Variants in CARS1 observed in about 807,000 individuals in gnomAD.
The protein encoded by CARS1 is cysteine--tRNA ligase, cytoplasmic.
Under a neutral mutation model 106.2 loss-of-function variants are expected in CARS1, and 48 were observed. The observed-to-expected ratio is 0.45, with a 90% CI of 0.36 to 0.57. The LOEUF (loss-of-function observed/expected upper bound fraction) is 0.57. CARS1 is among the 20% of genes least tolerant of loss of function. The pLI, the probability that CARS1 is intolerant of heterozygous loss-of-function variation, is 0.00. For missense variants in CARS1, 968 were observed against 1,057.2 expected (o/e 0.92, Z 1.17); for synonymous variants, 409 against 403.4 (o/e 1.01, Z -0.17).
chr11:3,055,021 C>T, intron 1 of CARS1: 1 of 700,964 alleles, frequency 1.4e-6, no homozygotes, highest in Non-Finnish European at 2.6e-6. Flanking sequence ...TATGCACCTT[C>T]AAGACCGCAA....
At chr11:3,055,284 C>G (rs539852057) in intron 1 of CARS1, among the ~76,000 whole-genome samples, 1 of 152,284 alleles carries the variant, frequency 6.6e-6, no homozygotes, top group African/African-American at 2.4e-5. Flanking sequence ...CCTCAGCCTC[C>G]GAGTAGTCAG....
In CARS1 at chr11:3,037,975, G is replaced by T; in HGVS notation, c.801+75C>A. On this transcript the variant is annotated intron_variant, in intron 7 of 22. Coordinates refer to ENST00000380525, the MANE Select transcript of CARS1 (RefSeq NM_001014437.3). The surrounding 1 kb of genome is among the most constrained non-coding windows in gnomAD (Gnocchi z 5.9). ...CTAAGACAATCTGTGGAATCAATCCGTGCACACAGATCAGTCTATGCACGG... is the reference window on the plus strand; with the variant it reads ...CTAAGACAATCTGTGGAATCAATCCTTGCACACAGATCAGTCTATGCACGG... The T allele has an allele frequency of 2.1e-6, 3 of 1,400,718 alleles. No homozygotes were observed. Among genetic ancestry groups the T allele is most frequent in the Non-Finnish European group, 2.0e-6 (2 of 1,013,882 alleles). 86.8% of individuals were successfully genotyped at this position (1,400,718 alleles called of 1,614,324 possible).
intron 18 of CARS1, chr11:3,009,495 C>T (rs1850237443): frequency 6.6e-6 from 1 of 152,294 alleles, no homozygotes; most frequent in African/African-American, 2.4e-5. Context: ...GGGAAGAGTT[C>T]TGGAGATGGA....
intron 17 of CARS1, among the ~76,000 whole-genome samples, chr11:3,013,958 G>A (rs543773959): frequency 6.6e-6 from 1 of 152,302 alleles, no homozygotes; most frequent in East Asian, 1.9e-4. Context: ...CTCAAAAACA[G>A]AAACACACAA....
chr11:3,029,636 A>T lies in CARS1; in HGVS notation c.802-193T>A. On this transcript the variant is annotated intron_variant, in intron 7 of 22. Coordinates refer to ENST00000380525, the MANE Select transcript of CARS1 (RefSeq NM_001014437.3). The surrounding 1 kb of genome is among the most constrained non-coding windows in gnomAD (Gnocchi z 5.9). ...GCAGGGACAAATACAAGACTCTACA[A>T]ATGGGCAGGTCTCACATGAACTCAG... The T allele has an allele frequency of 1.7e-6, 1 of 587,670 alleles. No individual in the cohort carries two copies. Among genetic ancestry groups the T allele is most frequent in the Non-Finnish European group, 3.0e-6 (1 of 337,322 alleles). The allele number at this position is 587,670 out of a possible 1,614,324, so 36.4% of individuals were successfully genotyped here. A position where few individuals can be genotyped will look rare whatever the true frequency, so the allele number is the denominator to read the frequency against.
At position 3,006,969 on chromosome 11, in the gene CARS1, A is replaced by C. The variant is rs1479097954; in HGVS notation, c.2069-10T>G. ...TGCAGAATCTCAGGGACTGTAGGAGAAGCAGAGCAGTTCCCTCAGACATGG... is the reference window on the plus strand; with the variant it reads ...TGCAGAATCTCAGGGACTGTAGGAGCAGCAGAGCAGTTCCCTCAGACATGG... On this transcript the variant is annotated splice_polypyrimidine_tract_variant and intron_variant, in intron 18 of 22. Coordinates refer to ENST00000380525, the MANE Select transcript of CARS1 (RefSeq NM_001014437.3). 7 of 1,611,674 alleles carry C rather than the reference A, an allele frequency of 4.3e-6. No homozygotes were observed. Among genetic ancestry groups the C allele is most frequent in the African/African-American group, 1.3e-5 (1 of 74,906 alleles).
chr11:3,047,562 G>T (rs1376811559), intron 2 of CARS1, among the ~76,000 whole-genome samples, 191 bp downstream of exon 2: 1 of 152,172 alleles, frequency 6.6e-6, no homozygotes, highest in Non-Finnish European at 1.5e-5. Flanking sequence ...AACTCCATAG[G>T]GCGTGATTTT....
At chr11:3,049,095 T>TTTTATTTA (rs143824188) in intron 1 of CARS1, among the ~76,000 whole-genome samples, 4 of 150,422 alleles carry the variant, frequency 2.7e-5, no homozygotes, top group African/African-American at 7.3e-5. Context: ...CCTTTTTTAT[T>TTTTATTTA]TTTATTTATT....
At chr11:3,002,243 G>A (rs1180439815) in intron 21 of CARS1, 190 bp from the exon 22 acceptor site, 8 of 655,438 alleles carry the variant, frequency 1.2e-5, no homozygotes, top group South Asian at 1.8e-5. Context: ...TAAACCAGAT[G>A]TTATTTCTAC....
rs922301250 is a variant in CARS1, at chr11:3,034,086, C to A, written c.801+3964G>T. Among the ~76,000 whole-genome samples the A allele has an allele frequency of 6.6e-6, 1 of 152,128 alleles. No individual in the cohort carries two copies. The highest frequency in any genetic ancestry group is 1.5e-5 in the Non-Finnish European group (1 of 68,026). On this transcript the variant is annotated intron_variant, in intron 7 of 22. Transcript: ENST00000380525. The surrounding 1 kb of genome is among the most constrained non-coding windows in gnomAD (Gnocchi z 6.3). ...AACGAGCCACTGCACCTGGTCTGGG[C>A]TGGACAATTTGACCAACAGAACAGA...
intron 17 of CARS1, among the ~76,000 whole-genome samples, chr11:3,014,729 C>A (rs1850820548): frequency 6.6e-6 from 1 of 152,234 alleles, no homozygotes; most frequent in Non-Finnish European, 1.5e-5. Flanking sequence ...ACCAAGCTAG[C>A]TAGCGCTAAG....
Position 3,029,372 on chromosome 11 carries a change from G to A in CARS1, c.873C>T (p.Asp291=). 6.2e-7 allele frequency: 1 copy of A among 1,614,026 alleles called. No individual in the cohort carries two copies. The highest frequency in any genetic ancestry group is 1.1e-5 in the South Asian group (1 of 91,084). Reference sequence around the variant, plus strand: ...TGGGCAGCTTGGAGAAGATGGAATTGTCAGTGACATCACAGCCAAGTGTAG... The same window carrying A: ...TGGGCAGCTTGGAGAAGATGGAATTATCAGTGACATCACAGCCAAGTGTAG... ...LDSTLGCDVT[D]NSIFSKLPKF... The change falls in exon 8 of 23, where the codon GAC becomes GAT. Residue 291 remains aspartate (D), a synonymous_variant. Coordinates refer to ENST00000380525, the MANE Select transcript of CARS1 (RefSeq NM_001014437.3). This position sits in a 1 kb window ranked among gnomAD's most constrained non-coding sequence, Gnocchi z 5.9.
At chr11:3,002,237 C>A in intron 21 of CARS1, 184 bp from the exon 22 acceptor site, 1 of 659,808 alleles carries the variant, frequency 1.5e-6, no homozygotes, top group South Asian at 1.8e-5. Flanking sequence ...TAAAATTAAA[C>A]CAGATGTTAT....
chr11:3,017,061 T>G lies in CARS1; in HGVS notation c.1917+45A>C. ...TCCCAGTCCTGGGGCCTGGCTCCTG[T>G]GTCCACACAGGCTGAGGGATACGCC... On this transcript the variant is annotated intron_variant, in intron 16 of 22. Coordinates refer to ENST00000380525, the MANE Select transcript of CARS1 (RefSeq NM_001014437.3). This position sits in a 1 kb window ranked among gnomAD's most constrained non-coding sequence, Gnocchi z 4.9. 1 of 1,552,322 alleles carries G rather than the reference T, an allele frequency of 6.4e-7. No homozygotes were observed. Among genetic ancestry groups the G allele is most frequent in the Non-Finnish European group, 8.8e-7 (1 of 1,136,530 alleles).
chr11:3,005,504 C>A, intron 19 of CARS1, 71 bp from the exon 20 acceptor site: 5 of 1,123,328 alleles, frequency 4.5e-6, no homozygotes, highest in Non-Finnish European at 6.7e-6. Context: ...CCAGCCCTGC[C>A]CTGCCCTGCC....
In CARS1 at chr11:3,017,351, T is replaced by G. The variant is rs1183322858; in HGVS notation, c.1728-56A>C. 3 of 1,519,698 alleles carry G rather than the reference T, an allele frequency of 2.0e-6. No homozygotes were observed. The highest frequency in any genetic ancestry group is 1.4e-5 in the African/African-American group (1 of 73,034). The allele number at this position is 1,519,698 out of a possible 1,614,324, so 94.1% of individuals were successfully genotyped here. ...CAGACCTGAAAACACACCATAGAAA[T>G]TCCCCATGTGGCCAGGCGCAGTGGC... On this transcript the variant is annotated intron_variant, in intron 15 of 22. Coordinates refer to ENST00000380525, the MANE Select transcript of CARS1 (RefSeq NM_001014437.3). This position sits in a 1 kb window ranked among gnomAD's most constrained non-coding sequence, Gnocchi z 4.9.
intron 18 of CARS1, among the ~76,000 whole-genome samples, chr11:3,011,095 A>G (rs1460467262): frequency 1.3e-5 from 2 of 152,198 alleles, no homozygotes; most frequent in East Asian, 1.9e-4. Context: ...AATGTGCAGA[A>G]AGCAGTGGGC....
In CARS1 at chr11:3,057,382, G is replaced by T. The variant is rs1000200315; in HGVS notation, c.-15C>A. 3 of 1,609,068 alleles carry T rather than the reference G, an allele frequency of 1.9e-6. No individual in the cohort carries two copies. Among genetic ancestry groups the T allele is most frequent in the Admixed American group, 1.7e-5 (1 of 59,788 alleles). ...GAATCTGCCATGGCTGGGAATCCCG[G>T]ACCCGCAGCTGCGGCTACAGACACT... is the stretch of plus-strand genomic sequence containing the variant. On this transcript the variant is annotated 5_prime_UTR_variant, in exon 1 of 23. Transcript: ENST00000380525.
At position 3,002,578 on chromosome 11, in the gene CARS1, T is replaced by C; in HGVS notation, c.2240A>G (p.Lys747Arg). ...KRRVEEEKRK[K>R]KEEAARRKQE... Reference sequence around the variant, plus strand: ...TTTCCTCCGGGCCGCCTCCTCTTTCTTCTTCCTCTTCTCCTCTTCAACCTG... The same window carrying C: ...TTTCCTCCGGGCCGCCTCCTCTTTCCTCTTCCTCTTCTCCTCTTCAACCTG... The change falls in exon 21 of 23, where the codon AAG (lysine) becomes AGG (arginine). Residue 747 changes from lysine (K) to arginine (R), a missense_variant. Coordinates refer to ENST00000380525, the MANE Select transcript of CARS1 (RefSeq NM_001014437.3). 1 of 1,614,168 alleles carries C rather than the reference T, an allele frequency of 6.2e-7. No homozygotes were observed. The highest frequency in any genetic ancestry group is 1.1e-5 in the South Asian group (1 of 91,086).
Sources: gnomAD v4.1 joint callset for allele counts (sites outside exome capture counted in the v4.1 genomes callset) on GRCh38, gnomAD v4.1.1 for gene constraint, Gnocchi (gnomAD v3.1) non-coding constraint, MANE v1.5 for transcripts, NCBI Gene and HGNC (gene_info 2026-07-23, HGNC 2026-07-21) for gene names.